The following STIM2 variants were observed in gnomAD, a reference collection of about 807,000 sequenced individuals.
The protein encoded by STIM2 is stromal interaction molecule 2.
A neutral mutation model predicts 85.8 loss-of-function variants in STIM2; 31 were observed. That is an observed-to-expected ratio of 0.36 (90% CI 0.27 to 0.49). STIM2 has a LOEUF of 0.49. STIM2 is among the 20% of genes least tolerant of loss of function. The probability of loss-of-function intolerance (pLI) is 0.98; values close to 1 mark genes in which losing one functional copy is unlikely to be tolerated. For synonymous variants in STIM2, 356 were observed against 331.1 expected (o/e 1.08, Z -0.82); for missense variants, 841 against 927.6 (o/e 0.91, Z 1.21).
intron 10 of STIM2, among the ~76,000 whole-genome samples, chr4:27,015,011 A>G (rs895905241): frequency 4.6e-5 from 7 of 151,962 alleles, no homozygotes; most frequent in Non-Finnish European, 7.4e-5. Flanking sequence ...TGCCTAGTGT[A>G]TCTTTTTCAC....
intron 1 of STIM2, among the ~76,000 whole-genome samples, chr4:26,876,463 C>A (rs1022642144): frequency 6.6e-6 from 1 of 152,146 alleles, no homozygotes. Flanking sequence ...CCTTGCTTTA[C>A]TCTTATCAAT....
intron 2 of STIM2, among the ~76,000 whole-genome samples, chr4:26,932,360 G>A (rs777126780): frequency 5.3e-5 from 8 of 152,132 alleles, no homozygotes; most frequent in Non-Finnish European, 1.0e-4. Context: ...GTGGTCAGTC[G>A]GTTTTTGTTT....
At chr4:26,961,014 C>CAA (rs200795495) in intron 3 of STIM2, among the ~76,000 whole-genome samples, 40 of 131,370 alleles carry the variant, frequency 3.0e-4, no homozygotes, top group Middle Eastern at 4.2e-3. Context: ...CACTCCGTCT[C>CAA]AAAAAAAAAA....
chr4:26,940,229 C>G (rs1725559402), intron 2 of STIM2, among the ~76,000 whole-genome samples: 1 of 152,162 alleles, frequency 6.6e-6, no homozygotes, highest in Admixed American at 6.6e-5. Context: ...TTTCCTTCTT[C>G]CTGCTCTTGC....
At chr4:27,014,620 T>TA (rs1728675997) in intron 10 of STIM2, among the ~76,000 whole-genome samples, 1 of 151,934 alleles carries the variant, frequency 6.6e-6, no homozygotes, top group Admixed American at 6.6e-5. Flanking sequence ...TCATATATTT[T>TA]AATGGTTCTG....
At chr4:26,871,973 A>G (rs748412669) in intron 1 of STIM2, among the ~76,000 whole-genome samples, 21 of 152,174 alleles carry the variant, frequency 1.4e-4, no homozygotes, top group Non-Finnish European at 2.5e-4. Context: ...TAGTGCCTAA[A>G]TTTCCTTATC....
chr4:26,962,559 A>AGTGTGT (rs34301656), intron 3 of STIM2, among the ~76,000 whole-genome samples: 41 of 142,718 alleles, frequency 2.9e-4, no homozygotes, highest in African/African-American at 9.4e-4. Flanking sequence ...ACTTTAATGC[A>AGTGTGT]GTGTGTGTGT....
chr4:26,870,653 C>G (rs980383829), intron 1 of STIM2, among the ~76,000 whole-genome samples: 1 of 152,136 alleles, frequency 6.6e-6, no homozygotes, highest in South Asian at 2.1e-4. Context: ...AAAAAACAAG[C>G]AAGCAAACAA....
chr4:26,912,983 C>T (rs915144845), intron 1 of STIM2, among the ~76,000 whole-genome samples: 5 of 152,204 alleles, frequency 3.3e-5, no homozygotes, highest in Middle Eastern at 3.4e-3. Flanking sequence ...CGCCATTGAC[C>T]GCCAGTAGCA....
At chr4:26,955,362 T>G (rs1340702715) in intron 2 of STIM2, among the ~76,000 whole-genome samples, 4 of 147,952 alleles carry the variant, frequency 2.7e-5, no homozygotes, top group Non-Finnish European at 5.9e-5. Flanking sequence ...GACATTGTCT[T>G]TAATATATAT....
At chr4:26,884,254 C>T (rs910388677) in intron 1 of STIM2, among the ~76,000 whole-genome samples, 1 of 152,172 alleles carries the variant, frequency 6.6e-6, no homozygotes, top group African/African-American at 2.4e-5. Context: ...ATGTGTTCTC[C>T]AGTAAAAGAG....
At chr4:26,896,473 T>A (rs993867209) in intron 1 of STIM2, among the ~76,000 whole-genome samples, 3 of 152,226 alleles carry the variant, frequency 2.0e-5, no homozygotes, top group African/African-American at 7.2e-5. Flanking sequence ...TCTTCCACAC[T>A]CTCATCCATA....
At chr4:26,896,713 ATTAAG>A (rs1327803700) in intron 1 of STIM2, among the ~76,000 whole-genome samples, 5 of 152,206 alleles carry the variant, frequency 3.3e-5, no homozygotes, top group Non-Finnish European at 4.4e-5. Context: ...GCATAATACA[ATTAAG>A]TAAACTACAG....
chr4:26,885,043 T>C lies in STIM2; in HGVS notation c.151+23674T>C, dbSNP rs143822632. Among the ~76,000 whole-genome samples, 402 of 152,336 alleles carry C rather than the reference T, an allele frequency of 2.6e-3. 2 individuals carry two copies. Among genetic ancestry groups the C allele is most frequent in the African/African-American group, 8.9e-3 (372 of 41,572 alleles). On this transcript the variant is annotated intron_variant, in intron 1 of 11. Transcript: ENST00000467087. The stretch of plus-strand genomic sequence containing the variant: ...AAACGTGTGACTTATTTCTCTACTT[T>C]CTTAATCAGAATGTATTGGGTACAG...
chr4:26,860,931 T>G lies in STIM2; in HGVS notation c.-288T>G. ...TACCTTTCTACCCCCCACCTTTTTT[T>G]TTTTTTTTTTTAAATAACCGGAACC... On this transcript the variant is annotated 5_prime_UTR_variant, in exon 1 of 12. Coordinates refer to ENST00000467087, the MANE Select transcript of STIM2 (RefSeq NM_020860.4). 1.7e-6 allele frequency: 2 copies of G among 1,160,988 alleles called. No individual in the cohort carries two copies. The highest frequency in any genetic ancestry group is 2.1e-6 in the Non-Finnish European group (2 of 931,548). The allele number at this position is 1,160,988 out of a possible 1,614,324, so 71.9% of individuals were successfully genotyped here.
intron 3 of STIM2, among the ~76,000 whole-genome samples, chr4:26,994,689 T>A (rs1727892682): frequency 6.6e-6 from 1 of 152,138 alleles, no homozygotes; most frequent in Non-Finnish European, 1.5e-5. Flanking sequence ...TCTCTGACTT[T>A]CTGCCAGTCT....
chr4:26,952,770 A>G (rs968618497), intron 2 of STIM2, among the ~76,000 whole-genome samples: 1 of 152,172 alleles, frequency 6.6e-6, no homozygotes, highest in Non-Finnish European at 1.5e-5. Flanking sequence ...TTTAGGATCC[A>G]TGCATTTATA....
At chr4:26,870,246 A>G (rs1343361864) in intron 1 of STIM2, among the ~76,000 whole-genome samples, 1 of 151,930 alleles carries the variant, frequency 6.6e-6, no homozygotes, top group Non-Finnish European at 1.5e-5. Context: ...AGTGTCATAT[A>G]CTGTAATTGA....
intron 5 of STIM2, among the ~76,000 whole-genome samples, chr4:27,001,710 C>A (rs1728163883): frequency 6.6e-6 from 1 of 152,182 alleles, no homozygotes. Flanking sequence ...TTATCACCAG[C>A]CTTGAGAACC....
Sources: gnomAD v4.1 joint callset for allele counts (sites outside exome capture counted in the v4.1 genomes callset) on GRCh38, gnomAD v4.1.1 for gene constraint, MANE v1.5 for transcripts, NCBI Gene and HGNC (gene_info 2026-07-23, HGNC 2026-07-21) for gene names.